VPS8: variants seen among roughly 807,000 people sequenced by gnomAD.
VPS8 encodes the protein VPS8 subunit of CORVET complex.
A neutral mutation model predicts 216.4 loss-of-function variants in VPS8; 129 were observed. That is an observed-to-expected ratio of 0.60 (90% CI 0.52 to 0.69). VPS8 has a LOEUF of 0.69. VPS8 is among the 30% of genes least tolerant of loss of function. VPS8 has a pLI of 0.00. For missense variants in VPS8, 1,531 were observed against 1,683.5 expected (o/e 0.91, Z 1.59); for synonymous variants, 571 against 565.4 (o/e 1.01, Z -0.14).
intron 16 of VPS8, 146 bp from the exon 17 acceptor site, chr3:184,866,730 T>C: frequency 4.3e-6 from 3 of 695,780 alleles, no homozygotes; most frequent in South Asian, 2.1e-5. Context: ...TATTTAAATG[T>C]AGACTGAGAT....
chr3:184,838,451 T>C (rs1483713578), intron 5 of VPS8, among the ~76,000 whole-genome samples: 1 of 152,212 alleles, frequency 6.6e-6, no homozygotes, highest in Admixed American at 6.5e-5. Flanking sequence ...TGCATTTCCA[T>C]TATAATCAGT....
chr3:184,848,721 A>G (rs1358165388), intron 8 of VPS8, among the ~76,000 whole-genome samples: 1 of 151,974 alleles, frequency 6.6e-6, no homozygotes, highest in Non-Finnish European at 1.5e-5. Flanking sequence ...GGCGTGGGCC[A>G]CCATGCCCAG....
chr3:185,013,027 G>A (rs751692416), intron 45 of VPS8, among the ~76,000 whole-genome samples: 38 of 151,718 alleles, frequency 2.5e-4, no homozygotes, highest in Non-Finnish European at 5.3e-4. Context: ...TGAAATAAAG[G>A]GATGGGTCTG....
chr3:184,849,407 G>A (rs1187259386), intron 9 of VPS8: 2 of 448,320 alleles, frequency 4.5e-6, no homozygotes, highest in Non-Finnish European at 7.6e-6. Context: ...TTATATCCTA[G>A]TTCATGTGTC....
intron 3 of VPS8, among the ~76,000 whole-genome samples, chr3:184,827,586 G>A (rs1719061044): frequency 6.6e-6 from 1 of 152,154 alleles, no homozygotes; most frequent in Non-Finnish European, 1.5e-5. Flanking sequence ...TAATCTTAGA[G>A]GACTGTGTAT....
intron 14 of VPS8, among the ~76,000 whole-genome samples, chr3:184,856,662 A>G (rs924152064): frequency 6.6e-6 from 1 of 151,910 alleles, no homozygotes; most frequent in African/African-American, 2.4e-5. Context: ...TGTCTCCCCC[A>G]TTGCTGTTTC....
chr3:184,982,455 G>T, intron 40 of VPS8, 111 bp from the exon 41 acceptor site: 1 of 636,156 alleles, frequency 1.6e-6, no homozygotes, highest in Non-Finnish European at 2.7e-6. Flanking sequence ...AAATGTATGT[G>T]AGAAGTACGT....
chr3:184,993,541 T>C (rs1752206352), intron 42 of VPS8, among the ~76,000 whole-genome samples: 1 of 152,124 alleles, frequency 6.6e-6, no homozygotes, highest in South Asian at 2.1e-4. Flanking sequence ...AGAACCTGTT[T>C]GTCTCCAAAA....
At chr3:184,927,892 C>T (rs1010743041) in intron 31 of VPS8, among the ~76,000 whole-genome samples, 1 of 152,228 alleles carries the variant, frequency 6.6e-6, no homozygotes, top group African/African-American at 2.4e-5. Flanking sequence ...CCGCAGCATG[C>T]ATGTATCAGG....
At chr3:184,913,608 T>C (rs759220104) in intron 26 of VPS8, 47 bp downstream of exon 26, 4 of 1,456,794 alleles carry the variant, frequency 2.7e-6, no homozygotes, top group Non-Finnish European at 3.7e-6. Flanking sequence ...CTTTCTATAT[T>C]TTTCCTATAT....
intron 40 of VPS8, among the ~76,000 whole-genome samples, chr3:184,978,066 C>A (rs1749596911): frequency 2.0e-5 from 3 of 151,044 alleles, no homozygotes. Context: ...CTGGTCCTGG[C>A]CTTTTTCTCA....
At chr3:184,927,746 C>T (rs1739927051) in intron 31 of VPS8, among the ~76,000 whole-genome samples, 1 of 152,148 alleles carries the variant, frequency 6.6e-6, no homozygotes, top group Non-Finnish European at 1.5e-5. Context: ...CCTGTTTTCT[C>T]CTCCCCAGCC....
At chr3:184,929,759 A>ATT in intron 33 of VPS8, 95 bp downstream of exon 33, 3 of 659,916 alleles carry the variant, frequency 4.5e-6, no homozygotes, top group Non-Finnish European at 7.2e-6. Flanking sequence ...GCGCATGTGT[A>ATT]TGAGCCAAAT....
intron 39 of VPS8, among the ~76,000 whole-genome samples, chr3:184,971,364 C>T (rs529517304): frequency 2.6e-5 from 4 of 152,250 alleles, no homozygotes; most frequent in African/African-American, 7.2e-5. Flanking sequence ...AGTAACTAAT[C>T]CTTAGACAGA....
At chr3:184,852,626 T>G (rs923132909) in intron 11 of VPS8, 59 bp downstream of exon 11, 2 of 1,530,144 alleles carry the variant, frequency 1.3e-6, no homozygotes, top group African/African-American at 2.8e-5. Flanking sequence ...TTTAATGATT[T>G]GAAATTGAAC....
intron 47 of VPS8, among the ~76,000 whole-genome samples, chr3:185,049,129 A>G (rs1713619325): frequency 6.6e-6 from 1 of 152,162 alleles, no homozygotes; most frequent in Non-Finnish European, 1.5e-5. Context: ...ACTGTCTAGA[A>G]TTTAGACCCA....
At chr3:184,984,871 C>T (rs1750824374) in intron 42 of VPS8, among the ~76,000 whole-genome samples, 1 of 152,102 alleles carries the variant, frequency 6.6e-6, no homozygotes, top group Non-Finnish European at 1.5e-5. Context: ...ATAACAAAAA[C>T]ATGTTTTTCT....
intron 21 of VPS8, among the ~76,000 whole-genome samples, chr3:184,875,567 T>C (rs192625925): frequency 4.9e-4 from 74 of 152,276 alleles, no homozygotes; most frequent in Non-Finnish European, 9.0e-4. Flanking sequence ...CGTTTATATA[T>C]GTTCAAGTGT....
chr3:184,944,660 A>C (rs1279505231), intron 36 of VPS8: 1 of 905,308 alleles, frequency 1.1e-6, no homozygotes, highest in Non-Finnish European at 1.3e-6. Flanking sequence ...AGCCTTTGTT[A>C]ACAATATTCT....
Sources: gnomAD v4.1 joint callset for allele counts (sites outside exome capture counted in the v4.1 genomes callset) on GRCh38, gnomAD v4.1.1 for gene constraint, MANE v1.5 for transcripts, NCBI Gene and HGNC (gene_info 2026-07-23, HGNC 2026-07-21) for gene names.